GOLGA8B: variants seen among roughly 807,000 people sequenced by gnomAD.
The protein encoded by GOLGA8B is golgin A8 family member B, also known as golgin subfamily A member 8B.
GOLGA8B carries 1 observed loss-of-function variant against 15.6 expected under a neutral mutation model. The ratio of observed to expected loss-of-function variants is 0.06; its 90% CI spans 0.02 to 0.30. The LOEUF (loss-of-function observed/expected upper bound fraction) is 0.30, where lower values mean the gene tolerates loss of function less well. Ranked by LOEUF, GOLGA8B falls within the 10% of genes least tolerant of loss-of-function variation. The pLI, the probability that GOLGA8B is intolerant of heterozygous loss-of-function variation, is 1.00. For synonymous variants in GOLGA8B, 9 were observed against 80.3 expected, an observed-to-expected ratio of 0.11 and a Z score of 4.75; for missense variants, 17 against 201.3, an observed-to-expected ratio of 0.08 and a Z score of 5.54.
chr15:34,571,628 A>C (rs1257646705), intron 1 of GOLGA8B, among the ~76,000 whole-genome samples: 2 of 149,628 alleles, frequency 1.3e-5, no homozygotes, highest in East Asian at 1.9e-4. Flanking sequence ...AAAAAAAAAA[A>C]ACTACATCCA....
At chr15:34,554,359 C>A (rs74442807) in intron 1 of GOLGA8B, among the ~76,000 whole-genome samples, 4 of 152,228 alleles carry the variant, frequency 2.6e-5, no homozygotes, top group Non-Finnish European at 5.9e-5. Context: ...TGTGTGCATA[C>A]GTACATGCAC....
At chr15:34,567,574 C>T (rs1364946307) in intron 1 of GOLGA8B, among the ~76,000 whole-genome samples, 1 of 151,636 alleles carries the variant, frequency 6.6e-6, no homozygotes, top group African/African-American at 2.4e-5. Flanking sequence ...AAATAAAACC[C>T]ATCCCATTAG....
At chr15:34,572,346 C>A (rs62006255) in intron 1 of GOLGA8B, among the ~76,000 whole-genome samples, 27,056 of 152,008 alleles carry the variant, frequency 0.18, 2,728 homozygotes, top group Non-Finnish European at 0.26. Flanking sequence ...CACGCAGATG[C>A]AAGGGTTTAA....
At chr15:34,563,106 AG>A (rs1303220175) in intron 1 of GOLGA8B, among the ~76,000 whole-genome samples, 11 of 90,092 alleles carry the variant, frequency 1.2e-4, no homozygotes, top group African/African-American at 3.8e-4. Flanking sequence ...GATAGCTTTT[AG>A]GGGAAAGGGT....
chr15:34,569,262 G>A (rs75854890), intron 1 of GOLGA8B, among the ~76,000 whole-genome samples: 11,540 of 141,210 alleles, frequency 0.082, 226 homozygotes, highest in South Asian at 0.21. Context: ...TTTGGGGACC[G>A]CAACAGAGAA....
At chr15:34,577,401 T>C (rs1824536506) in intron 1 of GOLGA8B, among the ~76,000 whole-genome samples, 1 of 152,002 alleles carries the variant, frequency 6.6e-6, no homozygotes, top group African/African-American at 2.4e-5. Context: ...GTTTATTAAA[T>C]TAAGAACACA....
intron 1 of GOLGA8B, chr15:34,582,632 C>T (rs1889272337): frequency 6.6e-6 from 1 of 152,254 alleles, no homozygotes; most frequent in South Asian, 2.1e-4. Flanking sequence ...TAGCAGGCCC[C>T]TCTAAGGCTC....
At chr15:34,559,392 A>C (rs1411429341) in intron 1 of GOLGA8B, among the ~76,000 whole-genome samples, 1 of 143,380 alleles carries the variant, frequency 7.0e-6, no homozygotes, top group African/African-American at 2.6e-5. Flanking sequence ...TACACCTAAA[A>C]ATGGTTAAGA....
In GOLGA8B at chr15:34,526,557, C is replaced by T. The variant is rs1424284453; in HGVS notation, c.*1075G>A. ...CACACAGCTTTCCTTCACTCTAATTCATTCTTGACTAGAGCCTGTATGCCT... is the reference window on the plus strand; with the variant it reads ...CACACAGCTTTCCTTCACTCTAATTTATTCTTGACTAGAGCCTGTATGCCT... On this transcript the variant is annotated 3_prime_UTR_variant, in exon 24 of 24. Transcript: ENST00000683415. 1 of 148,820 alleles carries T rather than the reference C, an allele frequency of 6.7e-6. No homozygotes were observed. The highest frequency in any genetic ancestry group is 2.5e-5 in the African/African-American group (1 of 40,162). The allele number at this position is 148,820 out of a possible 1,614,324, so 9.2% of individuals were successfully genotyped here.
At chr15:34,579,359 A>G (rs138119978) in intron 1 of GOLGA8B, among the ~76,000 whole-genome samples, 5,321 of 152,088 alleles carry the variant, frequency 0.035, 324 homozygotes, top group African/African-American at 0.12. Context: ...ATTAGGTACA[A>G]GACAAGTTTG....
intron 1 of GOLGA8B, among the ~76,000 whole-genome samples, chr15:34,557,011 C>T (rs1001922742): frequency 6.9e-6 from 1 of 144,476 alleles, no homozygotes; most frequent in African/African-American, 2.6e-5. Context: ...TTAAGCTCAC[C>T]GCTCAGACTC....
chr15:34,573,634 GC>G (rs1302073940), intron 1 of GOLGA8B, among the ~76,000 whole-genome samples: 1 of 151,420 alleles, frequency 6.6e-6, no homozygotes, highest in Non-Finnish European at 1.5e-5. Flanking sequence ...CTGAAAACAT[GC>G]TTTAAAGTCC....
chr15:34,564,733 G>C (rs749660170), intron 1 of GOLGA8B, among the ~76,000 whole-genome samples: 1 of 143,338 alleles, frequency 7.0e-6, no homozygotes, highest in African/African-American at 2.5e-5. Flanking sequence ...AAGTTCCAAC[G>C]AAAAGGGTGT....
chr15:34,576,733 G>T (rs867582321), intron 1 of GOLGA8B, among the ~76,000 whole-genome samples: 2 of 152,320 alleles, frequency 1.3e-5, no homozygotes, highest in South Asian at 2.1e-4. Flanking sequence ...AGTCAGGCCA[G>T]GTGGGAAGTG....
At chr15:34,572,606 A>G (rs370257302) in intron 1 of GOLGA8B, among the ~76,000 whole-genome samples, 22 of 152,346 alleles carry the variant, frequency 1.4e-4, no homozygotes, top group African/African-American at 5.3e-4. Context: ...AAATATGTTC[A>G]CAGACAGAAA....
Position 34,526,196 on chromosome 15 carries a change from G to A in GOLGA8B, c.*1436C>T, listed in dbSNP as rs1380127288. On this transcript the variant is annotated 3_prime_UTR_variant, in exon 24 of 24. Coordinates refer to ENST00000683415, the MANE Select transcript of GOLGA8B (RefSeq NM_001023567.5). ...TACAACTCTGCGATCGTATAGACAT[G>A]TTTCCTGATAATACATTGACATTCA... 1 of 149,972 alleles carries A rather than the reference G, an allele frequency of 6.7e-6. No homozygotes were observed. Among genetic ancestry groups the A allele is most frequent in the Non-Finnish European group, 1.5e-5 (1 of 67,286 alleles). 9.3% of individuals were successfully genotyped at this position (149,972 alleles called of 1,614,324 possible).
At chr15:34,580,894 T>C (rs989730037) in intron 1 of GOLGA8B, among the ~76,000 whole-genome samples, 3 of 152,124 alleles carry the variant, frequency 2.0e-5, no homozygotes, top group Non-Finnish European at 4.4e-5. Context: ...TGTGTCTCCA[T>C]GTTCCTAGTC....
chr15:34,582,533 C>G (rs1889268180), intron 1 of GOLGA8B, among the ~76,000 whole-genome samples: 1 of 152,244 alleles, frequency 6.6e-6, no homozygotes. Flanking sequence ...TGACTGCACT[C>G]AACCACAGAT....
chr15:34,583,170 G>A (rs1355020305), intron 1 of GOLGA8B, among the ~76,000 whole-genome samples: 1 of 151,848 alleles, frequency 6.6e-6, no homozygotes, highest in South Asian at 2.1e-4. Flanking sequence ...AGCGAGATCC[G>A]AGCGGGCGGC....
Sources: allele counts gnomAD v4.1 joint callset (sites outside exome capture counted in the v4.1 genomes callset), GRCh38; gene constraint gnomAD v4.1.1; transcripts MANE v1.5; gene names NCBI Gene and HGNC (gene_info 2026-07-23, HGNC 2026-07-21).